Variants in TAF1B observed in about 807,000 individuals in gnomAD.
The protein encoded by TAF1B is TATA box-binding protein-associated factor RNA polymerase I subunit B.
TAF1B carries 61 observed loss-of-function variants against 83.9 expected under a neutral mutation model. The ratio of observed to expected loss-of-function variants is 0.73; its 90% confidence interval spans 0.59 to 0.90. The LOEUF (loss-of-function observed/expected upper bound fraction) is 0.90, where lower values mean the gene tolerates loss of function less well. Ranked by LOEUF, TAF1B falls within the 40% of genes least tolerant of loss-of-function variation. The pLI is 0.00. For missense variants in TAF1B, 625 were observed against 677.0 expected (o/e 0.92, Z 0.85); for synonymous variants, 221 against 224.6 (o/e 0.98, Z 0.14).
intron 9 of TAF1B, among the ~76,000 whole-genome samples, chr2:9,908,116 G>A (rs541127998): frequency 2.5e-5 from 3 of 118,972 alleles, no homozygotes; most frequent in Admixed American, 1.2e-4. Context: ...CGTGATCTCC[G>A]CTCACTGCAA....
intron 7 of TAF1B, among the ~76,000 whole-genome samples, chr2:9,878,568 T>C (rs1410790888): frequency 6.6e-6 from 1 of 152,182 alleles, no homozygotes; most frequent in Non-Finnish European, 1.5e-5. Context: ...TTAGGATAAA[T>C]TCATTACCCT....
At chr2:9,899,321 C>T (rs79914190) in intron 8 of TAF1B, among the ~76,000 whole-genome samples, 4,596 of 152,186 alleles carry the variant, frequency 0.03, 120 homozygotes, top group Non-Finnish European at 0.047. Context: ...TTAAGGATCA[C>T]CTATATTGTA....
intron 8 of TAF1B, among the ~76,000 whole-genome samples, chr2:9,898,653 A>C (rs1207966478): frequency 6.6e-6 from 1 of 152,216 alleles, no homozygotes; most frequent in Non-Finnish European, 1.5e-5. Flanking sequence ...CTAATGGAGA[A>C]GATTCTGGCA....
In TAF1B at chr2:9,934,290, C is replaced by G. The variant is rs1666308760; in HGVS notation, c.*306C>G. 1 of 204,210 alleles carries G rather than the reference C, an allele frequency of 4.9e-6. No homozygotes were observed. Among genetic ancestry groups the G allele is most frequent in the Non-Finnish European group, 9.9e-6 (1 of 100,740 alleles). The allele number at this position is 204,210 out of a possible 1,614,324, so 12.6% of individuals were successfully genotyped here. On this transcript the variant is annotated 3_prime_UTR_variant, in exon 15 of 15. Coordinates refer to ENST00000263663, the MANE Select transcript of TAF1B (RefSeq NM_005680.3). ...GCTAAATTTATTTTTTAAACTAGAT[C>G]CCTTCATTATTCTTTATGCCCCAGA... is the stretch of plus-strand genomic sequence containing the variant.
chr2:9,884,433 G>A (rs1198325577), intron 8 of TAF1B, among the ~76,000 whole-genome samples: 2 of 152,314 alleles, frequency 1.3e-5, no homozygotes, highest in South Asian at 2.1e-4. Context: ...TCCTGAGTTC[G>A]TGTCCTGCAA....
chr2:9,912,680 C>T (rs533838806), intron 11 of TAF1B, among the ~76,000 whole-genome samples: 1 of 152,312 alleles, frequency 6.6e-6, no homozygotes, highest in East Asian at 1.9e-4. Flanking sequence ...TTTCTCTCTG[C>T]TCTGTCTGCT....
At chr2:9,844,529 C>A (rs1663138389) in intron 1 of TAF1B, 5 of 152,148 alleles carry the variant, frequency 3.3e-5, no homozygotes, top group Admixed American at 3.3e-4. Flanking sequence ...AGTCAAACTC[C>A]AAAGAGTTGG....
At chr2:9,910,642 T>G in intron 9 of TAF1B, 94 bp from the exon 10 acceptor site, 1 of 1,069,894 alleles carries the variant, frequency 9.3e-7, no homozygotes, top group South Asian at 2.0e-5. Flanking sequence ...TCTTGCATAG[T>G]GTCGTGTTTT....
chr2:9,852,606 C>T (rs938426680), intron 4 of TAF1B, among the ~76,000 whole-genome samples: 1 of 152,158 alleles, frequency 6.6e-6, no homozygotes, highest in South Asian at 2.1e-4. Flanking sequence ...ATTCTCCTGT[C>T]TCAGCCTCCC....
chr2:9,856,813 T>G (rs1663580041), intron 5 of TAF1B, among the ~76,000 whole-genome samples: 2 of 152,220 alleles, frequency 1.3e-5, no homozygotes, highest in Admixed American at 6.5e-5. Context: ...TAAGCTGATG[T>G]ATGAATTAGT....
At chr2:9,868,960 CT>C (rs1427600178) in intron 6 of TAF1B, among the ~76,000 whole-genome samples, 8 of 152,182 alleles carry the variant, frequency 5.3e-5, no homozygotes, top group Admixed American at 5.2e-4. Flanking sequence ...GTATCCACAT[CT>C]CTTCCTGGAC....
Position 9,877,459 on chromosome 2 carries a change from A to G in TAF1B, c.707+1441A>G, listed in dbSNP as rs538449379. Among the ~76,000 whole-genome samples the G allele has an allele frequency of 5.1e-4, 77 of 152,122 alleles. 1 individual carries two copies. Among genetic ancestry groups the G allele is most frequent in the African/African-American group, 1.7e-3 (71 of 41,502 alleles). ...TACGTACACTGTTGGTCAATTGTCC[A>G]CTCAGTTATATGTCCAAAAACTCAC... is the stretch of plus-strand genomic sequence containing the variant. On this transcript the variant is annotated intron_variant, in intron 7 of 14. Transcript: ENST00000263663.
intron 14 of TAF1B, among the ~76,000 whole-genome samples, chr2:9,932,082 G>GTT (rs974238202): frequency 5.3e-5 from 8 of 152,128 alleles, no homozygotes; most frequent in Non-Finnish European, 1.2e-4. Flanking sequence ...TTTTTTCAAG[G>GTT]TTTTTAGCTT....
rs1304916140 is a variant in TAF1B at position 9,849,461 on chromosome 2, G to C, written c.205+1G>C. The C allele has an allele frequency of 6.5e-7, 1 of 1,539,800 alleles. No homozygotes were observed. Among genetic ancestry groups the C allele is most frequent in the Admixed American group, 2.1e-5 (1 of 48,346 alleles). On this transcript the variant is annotated splice_donor_variant, in intron 3 of 14. Coordinates refer to ENST00000263663, the MANE Select transcript of TAF1B (RefSeq NM_005680.3). LOFTEE classifies it high-confidence loss of function. Reference sequence around the variant, plus strand: ...GGGCTTAAAAAAAAAAACAATACTGGTAAGTTCTTTCTTCATATGTACTTA... The same window carrying C: ...GGGCTTAAAAAAAAAAACAATACTGCTAAGTTCTTTCTTCATATGTACTTA...
At chr2:9,862,462 G>A (rs939615718) in intron 5 of TAF1B, among the ~76,000 whole-genome samples, 13 of 152,174 alleles carry the variant, frequency 8.5e-5, no homozygotes, top group African/African-American at 1.2e-4. Context: ...CCAAATCTAC[G>A]TCTTATTGGT....
At chr2:9,847,705 G>A (rs1249393828) in intron 2 of TAF1B, among the ~76,000 whole-genome samples, 1 of 152,144 alleles carries the variant, frequency 6.6e-6, no homozygotes, top group Non-Finnish European at 1.5e-5. Flanking sequence ...TTTTGCAAGA[G>A]TTTCACGGAT....
chr2:9,889,996 CAT>C (rs1480744130), intron 8 of TAF1B, among the ~76,000 whole-genome samples: 1 of 151,764 alleles, frequency 6.6e-6, no homozygotes, highest in South Asian at 2.1e-4. Context: ...CAGCAAAACA[CAT>C]GAGAGGGCCC....
In TAF1B at chr2:9,928,864, C is replaced by G. The variant is rs186784983; in HGVS notation, c.1566-4919C>G. On this transcript the variant is annotated intron_variant, in intron 14 of 14. Transcript: ENST00000263663. ...AATACCTTTTATTTCTTTCTCCTGCCTGATTGCCCTGGCCAGAACTTCCAA... is the reference window on the plus strand; with the variant it reads ...AATACCTTTTATTTCTTTCTCCTGCGTGATTGCCCTGGCCAGAACTTCCAA... 3.9e-3 allele frequency among the ~76,000 whole-genome samples: 594 copies of G among 152,294 alleles called. 3 individuals are homozygous for G. Among genetic ancestry groups the G allele is most frequent in the African/African-American group, 0.013 (552 of 41,530 alleles).
At chr2:9,877,508 C>G (rs1664355577) in intron 7 of TAF1B, among the ~76,000 whole-genome samples, 1 of 151,670 alleles carries the variant, frequency 6.6e-6, no homozygotes, top group Non-Finnish European at 1.5e-5. Context: ...TCTGCATTCC[C>G]TCTCTCTCTC....
Sources: gnomAD v4.1 joint callset for allele counts (sites outside exome capture counted in the v4.1 genomes callset) on GRCh38, gnomAD v4.1.1 for gene constraint, MANE v1.5 for transcripts, NCBI Gene and HGNC (gene_info 2026-07-23, HGNC 2026-07-21) for gene names.